Variants in CASP5 observed in about 807,000 individuals in gnomAD.
CASP5 encodes caspase-5.
CASP5 carries 42 observed loss-of-function variants against 45.2 expected under a neutral mutation model. The observed-to-expected ratio is 0.93, with a 90% CI of 0.73 to 1.20. The LOEUF (loss-of-function observed/expected upper bound fraction) is 1.20. Among genes scored for constraint, CASP5 ranks in the 50% most tolerant of loss-of-function variants. CASP5 has a pLI of 0.00. For synonymous variants in CASP5, 209 were observed against 186.2 expected, an observed-to-expected ratio of 1.12 and a Z score of -1.00; for missense variants, 512 against 532.2, an observed-to-expected ratio of 0.96 and a Z score of 0.37.
At chr11:105,009,025 A>G (rs774834682) in intron 1 of CASP5, 45 bp from the exon 2 acceptor site, 1 of 1,592,178 alleles carries the variant, frequency 6.3e-7, no homozygotes, top group Non-Finnish European at 8.6e-7. Flanking sequence ...CACAGCTTAA[A>G]GAGTTTTGCC....
At chr11:105,006,639 G>A (rs1167954385) in intron 3 of CASP5, among the ~76,000 whole-genome samples, 3 of 152,180 alleles carry the variant, frequency 2.0e-5, no homozygotes, top group Admixed American at 2.0e-4. Context: ...CTGGTATCTT[G>A]GAAGTTGTTG....
chr11:105,008,047 T>C (rs1399036176), intron 2 of CASP5, among the ~76,000 whole-genome samples: 1 of 152,118 alleles, frequency 6.6e-6, no homozygotes, highest in East Asian at 1.9e-4. Flanking sequence ...ATAATTTGAA[T>C]TTTTATTGGA....
chr11:104,999,219 G>C (rs1443120180), intron 6 of CASP5, among the ~76,000 whole-genome samples, 191 bp from the exon 7 acceptor site: 1 of 151,884 alleles, frequency 6.6e-6, no homozygotes, highest in Non-Finnish European at 1.5e-5. Context: ...CCCACCCCCC[G>C]ACTGGCCCCG....
In CASP5 at chr11:105,007,063, C is replaced by A. The variant is rs369388718; in HGVS notation, c.433+20G>T. 14 of 1,593,208 alleles carry A rather than the reference C, an allele frequency of 8.8e-6. No individual in the cohort carries two copies. Among genetic ancestry groups the A allele is most frequent in the Non-Finnish European group, 1.2e-5 (14 of 1,168,880 alleles). ...ATTCTGGAAAATTTAACATATTTAT[C>A]GTGTTAGATGCAACCTTACGTTTTA... is the stretch of plus-strand genomic sequence containing the variant. On this transcript the variant is annotated intron_variant, in intron 3 of 9. Coordinates refer to ENST00000260315, the MANE Select transcript of CASP5 (RefSeq NM_004347.5).
chr11:104,999,022 T>A lies in CASP5; in HGVS notation c.959A>T (p.His320Leu), dbSNP rs1861602383. Reference protein sequence around the residue: ...IIVQACRGEKHGELWVRDSPA... With the variant: ...IIVQACRGEKLGELWVRDSPA... ...AGAGTCTCTGACCCAGAGTTCCCCA[T>A]GTTTTTCTGTAGAGACATCAACTTT... The change falls in exon 7 of 10, where the codon CAT (histidine) becomes CTT (leucine). Residue 320 changes from histidine (H) to leucine (L), a missense_variant. Physicochemically the swap from His to Leu is moderately conservative, Grantham distance 99. Transcript: ENST00000260315. 1 of 1,594,610 alleles carries A rather than the reference T, an allele frequency of 6.3e-7. No homozygotes were observed. The highest frequency in any genetic ancestry group is 8.5e-7 in the Non-Finnish European group (1 of 1,174,416).
Position 105,007,100 on chromosome 11 carries a change from T to G in CASP5, c.416A>C (p.Lys139Thr). 1.2e-6 allele frequency: 2 copies of G among 1,612,384 alleles called. No individual in the cohort carries two copies. Among genetic ancestry groups the G allele is most frequent in the Non-Finnish European group, 1.7e-6 (2 of 1,179,338 alleles). Residue 139 changes from lysine to threonine, a missense_variant, in exon 3 of 10, where the codon AAG (lysine) becomes ACG (threonine). Physicochemically the swap from Lys to Thr is moderately conservative, Grantham distance 78 (BLOSUM62 -1). Transcript: ENST00000260315. Reference protein sequence around the residue: ...FTQTLLNMDQKITSVKPLLQI... With the variant: ...FTQTLLNMDQTITSVKPLLQI... ...AACCTTACGTTTTACACTGGTGATC[T>G]TTTGGTCCATATTGAGAAGTGTTTG...
At chr11:105,015,523 C>A (rs1862545059) in intron 1 of CASP5, among the ~76,000 whole-genome samples, 1 of 152,112 alleles carries the variant, frequency 6.6e-6, no homozygotes, top group African/African-American at 2.4e-5. Flanking sequence ...TACTGTTTTT[C>A]ACTAGTTTTA....
At chr11:104,997,243 A>G in intron 8 of CASP5, 140 bp downstream of exon 8, 1 of 636,418 alleles carries the variant, frequency 1.6e-6, no homozygotes, top group Non-Finnish European at 2.8e-6. Flanking sequence ...GCAGATTTTA[A>G]ACACCTGAAT....
intron 1 of CASP5, among the ~76,000 whole-genome samples, chr11:105,011,357 A>C: frequency 6.6e-6 from 1 of 151,782 alleles, no homozygotes. Flanking sequence ...CATCATACTC[A>C]ATGGTGAAAA....
chr11:105,012,986 C>T (rs1862426322), intron 1 of CASP5, among the ~76,000 whole-genome samples: 1 of 151,938 alleles, frequency 6.6e-6, no homozygotes, highest in Non-Finnish European at 1.5e-5. Context: ...ATTGTGATTG[C>T]AGCATTATTC....
chr11:105,015,593 T>G (rs1862547987), intron 1 of CASP5, among the ~76,000 whole-genome samples: 1 of 152,196 alleles, frequency 6.6e-6, no homozygotes, highest in African/African-American at 2.4e-5. Flanking sequence ...AACTTATTTT[T>G]GATTAGTGCT....
intron 7 of CASP5, among the ~76,000 whole-genome samples, chr11:104,998,133 T>A (rs1343626394): frequency 6.6e-6 from 1 of 152,164 alleles, no homozygotes; most frequent in African/African-American, 2.4e-5. Flanking sequence ...GCTGGAGGAA[T>A]CTTTTGGAGG....
At chr11:105,018,255 G>C (rs1467994364) in intron 1 of CASP5, among the ~76,000 whole-genome samples, 1 of 150,024 alleles carries the variant, frequency 6.7e-6, no homozygotes, top group Non-Finnish European at 1.5e-5. Context: ...CAACTAACGA[G>C]CAAAATAACC....
chr11:105,017,065 C>T (rs552310633), intron 1 of CASP5, among the ~76,000 whole-genome samples: 42 of 151,180 alleles, frequency 2.8e-4, no homozygotes, highest in Admixed American at 2.6e-3. Context: ...CTCACACGGC[C>T]GGGTACTCCA....
chr11:105,000,168 G>C, intron 6 of CASP5, 93 bp downstream of exon 6: 1 of 1,270,218 alleles, frequency 7.9e-7, no homozygotes, highest in South Asian at 1.2e-5. Flanking sequence ...GCACTGGATG[G>C]GGTCTAACAT....
Position 104,995,759 on chromosome 11 carries a change from G to C in CASP5, c.1290C>G (p.Leu430=). Residue 430 remains leucine, a synonymous_variant, in exon 9 of 10, where the codon CTC becomes CTG. Transcript: ENST00000260315. ...ERATLTRDFY[L]FPGN The stretch of plus-strand genomic sequence containing the variant: ...ACTTACATTTTCAATTGCCAGGAAA[G>C]AGGTAGAAATCTCTTGTCAAGGTTG... The C allele has an allele frequency of 1.2e-6, 2 of 1,608,842 alleles. No homozygotes were observed. Among genetic ancestry groups the C allele is most frequent in the Non-Finnish European group, 1.7e-6 (2 of 1,175,694 alleles).
chr11:105,016,369 G>A (rs1451959164), intron 1 of CASP5, among the ~76,000 whole-genome samples: 2 of 152,198 alleles, frequency 1.3e-5, no homozygotes, highest in Admixed American at 1.3e-4. Flanking sequence ...CAGAAGACGG[G>A]TGATTTCTGC....
chr11:105,000,521 A>ATT, intron 5 of CASP5, 26 bp from the exon 6 acceptor site: 1 of 1,597,946 alleles, frequency 6.3e-7, no homozygotes. Context: ...GTCTAACTTC[A>ATT]GTCAGAGAAG....
At chr11:105,006,844 C>G (rs140592116) in intron 3 of CASP5, among the ~76,000 whole-genome samples, 1 of 152,288 alleles carries the variant, frequency 6.6e-6, no homozygotes, top group African/African-American at 2.4e-5. Context: ...TAAAAAATCT[C>G]CCTTATTAAC....
Sources: allele counts gnomAD v4.1 joint callset (sites outside exome capture counted in the v4.1 genomes callset), GRCh38; gene constraint gnomAD v4.1.1; transcripts MANE v1.5; gene names NCBI Gene and HGNC (gene_info 2026-07-23, HGNC 2026-07-21).